Variants in POC1A observed in about 807,000 individuals in gnomAD.
POC1A encodes POC1 centriolar protein A, also known as POC1 centriolar protein homolog A.
POC1A carries 34 observed loss-of-function variants against 47.8 expected under a neutral mutation model. That is an observed-to-expected ratio of 0.71 (90% confidence interval 0.54 to 0.95). POC1A has a LOEUF of 0.95. Among genes scored for constraint, POC1A ranks in the 40% least tolerant of loss-of-function variants. The probability of loss-of-function intolerance (pLI) is 0.00; values close to 1 mark genes in which losing one functional copy is unlikely to be tolerated. For synonymous variants in POC1A, 177 were observed against 207.6 expected (o/e 0.85, Z 1.27); for missense variants, 466 against 528.3 (o/e 0.88, Z 1.16).
At chr3:52,078,385 T>C (rs1217616826) in intron 10 of POC1A, among the ~76,000 whole-genome samples, 2 of 151,496 alleles carry the variant, frequency 1.3e-5, no homozygotes, top group African/African-American at 4.9e-5. Flanking sequence ...AAAAAAAAAA[T>C]CCTACTTTCT....
At chr3:52,107,259 A>G (rs565624155) in intron 9 of POC1A, among the ~76,000 whole-genome samples, 3 of 152,214 alleles carry the variant, frequency 2.0e-5, no homozygotes, top group Admixed American at 6.5e-5. Context: ...AATGCACACA[A>G]GGGTGTGGGG....
chr3:52,094,749 T>A (rs1429141577), intron 10 of POC1A, among the ~76,000 whole-genome samples: 1 of 152,182 alleles, frequency 6.6e-6, no homozygotes, highest in African/African-American at 2.4e-5. Flanking sequence ...GGTGACTGGC[T>A]GATATTGTTG....
chr3:52,113,162 T>C (rs1172685416), intron 9 of POC1A, among the ~76,000 whole-genome samples: 1 of 152,254 alleles, frequency 6.6e-6, no homozygotes, highest in African/African-American at 2.4e-5. Context: ...CTGCAAATGC[T>C]GTCCTCATGC....
intron 9 of POC1A, among the ~76,000 whole-genome samples, chr3:52,113,725 AC>A (rs1262444154): frequency 6.6e-6 from 1 of 152,228 alleles, no homozygotes; most frequent in Non-Finnish European, 1.5e-5. Flanking sequence ...AAACAAAAAA[AC>A]AAAACAAAAA....
At chr3:52,118,311 T>C (rs574650421) in intron 9 of POC1A, among the ~76,000 whole-genome samples, 4 of 152,186 alleles carry the variant, frequency 2.6e-5, no homozygotes, top group Non-Finnish European at 5.9e-5. Context: ...TCCCTCCTCA[T>C]GCACAACTCA....
At chr3:52,076,827 C>T (rs537815021) in intron 10 of POC1A, among the ~76,000 whole-genome samples, 17 of 152,372 alleles carry the variant, frequency 1.1e-4, no homozygotes, top group African/African-American at 3.4e-4. Context: ...GGCTCACCTG[C>T]GGACCTGGCT....
At chr3:52,123,756 T>A (rs1462866639) in intron 8 of POC1A, among the ~76,000 whole-genome samples, 2 of 152,206 alleles carry the variant, frequency 1.3e-5, no homozygotes, top group Non-Finnish European at 2.9e-5. Context: ...GAGTAGATAT[T>A]AAACAGGAAG....
intron 10 of POC1A, among the ~76,000 whole-genome samples, chr3:52,089,120 A>T (rs1422556707): frequency 1.3e-5 from 2 of 151,856 alleles, no homozygotes; most frequent in Admixed American, 1.3e-4. Flanking sequence ...GTCCCCCTGC[A>T]AACACGAGCT....
At chr3:52,148,277 G>C (rs923789329) in intron 4 of POC1A, among the ~76,000 whole-genome samples, 7 of 152,220 alleles carry the variant, frequency 4.6e-5, no homozygotes, top group African/African-American at 1.4e-4. Context: ...GGCCCCTCCT[G>C]ATCTCAGGAC....
intron 9 of POC1A, among the ~76,000 whole-genome samples, chr3:52,109,487 AC>A (rs1479848252): frequency 2.6e-5 from 4 of 152,066 alleles, no homozygotes; most frequent in South Asian, 2.1e-4. Context: ...TTTAATTAAA[AC>A]AAACAAACAA....
chr3:52,088,583 G>A (rs768461180), intron 10 of POC1A, among the ~76,000 whole-genome samples: 22 of 152,124 alleles, frequency 1.4e-4, no homozygotes, highest in African/African-American at 2.2e-4. Context: ...AAGAGGTCAC[G>A]GGGTCAGCTG....
At chr3:52,108,409 G>C (rs1210171083) in intron 9 of POC1A, among the ~76,000 whole-genome samples, 2 of 152,238 alleles carry the variant, frequency 1.3e-5, no homozygotes, top group Non-Finnish European at 2.9e-5. Context: ...CAGTGACAAA[G>C]AGGAACAGTA....
rs1322252075 is a variant in POC1A at position 52,090,121 on chromosome 3, C to T, written c.1125+6448G>A. ...AAATCGAATGCCAAAGAGACCCAAA[C>T]AAGCAGGGCTGGTGGGCTTGCTCCC... is the stretch of plus-strand genomic sequence containing the variant. On this transcript the variant is annotated intron_variant, in intron 10 of 10. Coordinates refer to ENST00000296484, the MANE Select transcript of POC1A (RefSeq NM_015426.5). This position sits in a 1 kb window ranked among gnomAD's most constrained non-coding sequence, Gnocchi z 4.2. 6.6e-6 allele frequency among the ~76,000 whole-genome samples: 1 copy of T among 152,200 alleles called. No individual in the cohort carries two copies. Among genetic ancestry groups the T allele is most frequent in the African/African-American group, 2.4e-5 (1 of 41,446 alleles).
At chr3:52,101,905 A>C (rs942938183) in intron 9 of POC1A, among the ~76,000 whole-genome samples, 12 of 152,230 alleles carry the variant, frequency 7.9e-5, no homozygotes, top group African/African-American at 1.7e-4. Flanking sequence ...TTTGCTAAGT[A>C]CAGAACTTTG....
At chr3:52,149,482 C>A in intron 3 of POC1A, 93 bp from the exon 4 acceptor site, 1 of 1,218,200 alleles carries the variant, frequency 8.2e-7, no homozygotes. Context: ...TCAAGCACCC[C>A]TCCCAAAGTC....
At chr3:52,082,257 G>C (rs1285962344) in intron 10 of POC1A, among the ~76,000 whole-genome samples, 1 of 152,216 alleles carries the variant, frequency 6.6e-6, no homozygotes, top group Non-Finnish European at 1.5e-5. Context: ...GCGCAGGGGA[G>C]CTGAGGGCCT....
intron 10 of POC1A, among the ~76,000 whole-genome samples, chr3:52,093,876 A>G (rs1261176352): frequency 6.6e-6 from 1 of 152,234 alleles, no homozygotes; most frequent in Non-Finnish European, 1.5e-5. Context: ...CCTGTTGAAC[A>G]GGAAGGCAGG....
Position 52,079,284 on chromosome 3 carries a change from A to C in POC1A, c.1126-3299T>G, listed in dbSNP as rs1378401654. Reference sequence around the variant, plus strand: ...TTTCCACCTGCTGCCTAGTGGCCCAACTCCCAGCGGGGCCCAGCCAAGCAG... The same window carrying C: ...TTTCCACCTGCTGCCTAGTGGCCCACCTCCCAGCGGGGCCCAGCCAAGCAG... On this transcript the variant is annotated intron_variant, in intron 10 of 10. Transcript: ENST00000296484. This position sits in a 1 kb window ranked among gnomAD's most constrained non-coding sequence, Gnocchi z 4.6. Among the ~76,000 whole-genome samples the C allele has an allele frequency of 6.6e-6, 1 of 152,110 alleles. No individual in the cohort carries two copies. Among genetic ancestry groups the C allele is most frequent in the Non-Finnish European group, 1.5e-5 (1 of 68,016 alleles).
chr3:52,076,839 C>A (rs1396757960), intron 10 of POC1A, among the ~76,000 whole-genome samples: 1 of 152,276 alleles, frequency 6.6e-6, no homozygotes, highest in Non-Finnish European at 1.5e-5. Context: ...GACCTGGCTG[C>A]CTGGCCTGCC....
Sources: gnomAD v4.1 joint callset for allele counts (sites outside exome capture counted in the v4.1 genomes callset) on GRCh38, gnomAD v4.1.1 for gene constraint, Gnocchi (gnomAD v3.1) non-coding constraint, MANE v1.5 for transcripts, NCBI Gene and HGNC (gene_info 2026-07-23, HGNC 2026-07-21) for gene names.